The following DCLK2 variants were observed in gnomAD, a reference collection of about 807,000 sequenced individuals.
DCLK2 encodes the protein serine/threonine-protein kinase DCLK2.
Under a neutral mutation model 78.4 loss-of-function variants are expected in DCLK2, and 31 were observed. That is an observed-to-expected ratio of 0.40 (90% CI 0.30 to 0.53). The LOEUF is 0.53. Among genes scored for constraint, DCLK2 ranks in the 20% least tolerant of loss-of-function variants. The probability of loss-of-function intolerance (pLI) is 0.61; values close to 1 mark genes in which losing one functional copy is unlikely to be tolerated. For synonymous variants in DCLK2, 407 were observed against 374.9 expected, an observed-to-expected ratio of 1.09 and a Z score of -0.99; for missense variants, 872 against 973.7, an observed-to-expected ratio of 0.90 and a Z score of 1.39.
intron 2 of DCLK2, among the ~76,000 whole-genome samples, chr4:150,155,188 G>A (rs1735181338): frequency 6.6e-6 from 1 of 152,192 alleles, no homozygotes; most frequent in South Asian, 2.1e-4. Flanking sequence ...CCATGATTGT[G>A]CCATTGCACT....
At chr4:150,100,799 A>G (rs1385976712) in intron 1 of DCLK2, among the ~76,000 whole-genome samples, 3 of 152,228 alleles carry the variant, frequency 2.0e-5, no homozygotes, top group African/African-American at 7.2e-5. Flanking sequence ...AATGATTTAG[A>G]TAAGCCTACA....
chr4:150,079,479 C>G (rs1223179423), intron 1 of DCLK2, 31 bp downstream of exon 1: 1 of 1,442,356 alleles, frequency 6.9e-7, no homozygotes, highest in African/African-American at 1.5e-5. Flanking sequence ...ACGGCAGGTG[C>G]GGCGGAGCGC....
intron 2 of DCLK2, among the ~76,000 whole-genome samples, chr4:150,182,035 A>AT (rs543323129): frequency 1.6e-4 from 23 of 142,542 alleles, no homozygotes; most frequent in East Asian, 8.1e-4. Flanking sequence ...TTCCCTGTTC[A>AT]TTTTTTTTTT....
rs1054358179 is a variant in DCLK2, at chr4:150,253,596, C to T, written c.2074-2424C>T. The T allele has an allele frequency of 3.1e-6, 4 of 1,288,734 alleles. No individual in the cohort carries two copies. In the African/African-American group the frequency reaches 4.6e-5, roughly 15 times the overall value. The allele number at this position is 1,288,734 out of a possible 1,614,324, so 79.8% of individuals were successfully genotyped here. On this transcript the variant is annotated intron_variant, in intron 15 of 15. Transcript: ENST00000296550. The stretch of plus-strand genomic sequence containing the variant: ...GCGTCCGACCAGCGCGCCCCATCCT[C>T]AGCCCCTCTCACGCCTGCATGCTTG...
intron 6 of DCLK2, among the ~76,000 whole-genome samples, chr4:150,221,374 C>A (rs545763219): frequency 2.7e-5 from 4 of 149,316 alleles, no homozygotes; most frequent in African/African-American, 9.9e-5. Flanking sequence ...TCTTGAACAT[C>A]GACAAAAAAG....
chr4:150,093,614 A>G (rs1305547554), intron 1 of DCLK2, among the ~76,000 whole-genome samples: 1 of 152,180 alleles, frequency 6.6e-6, no homozygotes, highest in African/African-American at 2.4e-5. Flanking sequence ...AATCTTGGCC[A>G]CAAGCAATCC....
intron 8 of DCLK2, 95 bp downstream of exon 8, chr4:150,224,653 A>G (rs540151957): frequency 2.0e-6 from 2 of 1,000,320 alleles, no homozygotes; most frequent in Non-Finnish European, 3.0e-6. Context: ...ACTTGACACA[A>G]CTATCACAGC....
chr4:150,080,816 G>C (rs191972322), intron 1 of DCLK2, among the ~76,000 whole-genome samples: 2 of 152,312 alleles, frequency 1.3e-5, no homozygotes, highest in Admixed American at 1.3e-4. Context: ...GCCCTGCCTA[G>C]AACGCGACCC....
chr4:150,155,444 T>C (rs1048568731), intron 2 of DCLK2, among the ~76,000 whole-genome samples: 17 of 152,190 alleles, frequency 1.1e-4, no homozygotes, highest in African/African-American at 4.1e-4. Flanking sequence ...GAGGTTCGGT[T>C]TTTGTATGCA....
At chr4:150,216,245 A>G (rs935184855) in intron 5 of DCLK2, among the ~76,000 whole-genome samples, 5 of 152,256 alleles carry the variant, frequency 3.3e-5, no homozygotes, top group Non-Finnish European at 7.3e-5. Flanking sequence ...AGTGTTGCTC[A>G]TCATCAGATG....
At chr4:150,203,602 G>GTTTT (rs5862912) in intron 4 of DCLK2, among the ~76,000 whole-genome samples, 193 bp from the exon 5 acceptor site, 5 of 142,026 alleles carry the variant, frequency 3.5e-5, no homozygotes, top group African/African-American at 5.2e-5. Flanking sequence ...GTTTCACTCT[G>GTTTT]TTTTTTTTTT....
chr4:150,172,166 G>C (rs1736580279), intron 2 of DCLK2, among the ~76,000 whole-genome samples: 1 of 152,126 alleles, frequency 6.6e-6, no homozygotes, highest in Admixed American at 6.5e-5. Flanking sequence ...TGAAGACTTG[G>C]CTTAACCTAG....
At chr4:150,083,942 C>T (rs1179604746) in intron 1 of DCLK2, among the ~76,000 whole-genome samples, 1 of 152,184 alleles carries the variant, frequency 6.6e-6, no homozygotes, top group Non-Finnish European at 1.5e-5. Flanking sequence ...TCAAAAAATG[C>T]ACATTCTCCT....
chr4:150,256,314 G>T lies in DCLK2; in HGVS notation c.*67G>T. On this transcript the variant is annotated 3_prime_UTR_variant, in exon 16 of 16. Transcript: ENST00000296550. ...AGCCAGCCCTCTGCTCGGCCTCGCCGGCCTCCCTGCTGCAGGCCTCCCTCT... is the reference window on the plus strand; with the variant it reads ...AGCCAGCCCTCTGCTCGGCCTCGCCTGCCTCCCTGCTGCAGGCCTCCCTCT... 2 of 1,442,700 alleles carry T rather than the reference G, an allele frequency of 1.4e-6. No individual in the cohort carries two copies. Among genetic ancestry groups the T allele is most frequent in the Non-Finnish European group, 1.8e-6 (2 of 1,102,120 alleles). The allele number at this position is 1,442,700 out of a possible 1,614,324, so 89.4% of individuals were successfully genotyped here.
At chr4:150,221,848 T>G in intron 7 of DCLK2, 63 bp downstream of exon 7, 4 of 1,060,426 alleles carry the variant, frequency 3.8e-6, no homozygotes, top group Non-Finnish European at 5.5e-6. Flanking sequence ...AACTGTATCA[T>G]CTACAGATAC....
rs573027670 is a variant in DCLK2, at chr4:150,136,399, T to C, written c.756+33587T>C. Among the ~76,000 whole-genome samples the C allele has an allele frequency of 4.6e-5, 7 of 152,268 alleles. No homozygotes were observed. In the South Asian group the frequency reaches 1.4e-3, roughly 32 times the overall value. ...CTGTGATCTGTGATATCACCCACAGTAATTGAAGTACCTGGGATGGAGAAG... is the reference window on the plus strand; with the variant it reads ...CTGTGATCTGTGATATCACCCACAGCAATTGAAGTACCTGGGATGGAGAAG... On this transcript the variant is annotated intron_variant, in intron 2 of 15. Transcript: ENST00000296550.
At chr4:150,179,214 G>A (rs1737317391) in intron 2 of DCLK2, among the ~76,000 whole-genome samples, 1 of 152,018 alleles carries the variant, frequency 6.6e-6, no homozygotes. Flanking sequence ...ATTTTTAGTA[G>A]AGACAGGGTT....
intron 2 of DCLK2, among the ~76,000 whole-genome samples, chr4:150,158,728 G>C: frequency 6.6e-6 from 1 of 152,144 alleles, no homozygotes; most frequent in East Asian, 1.9e-4. Context: ...GATTAATTCT[G>C]CTGAAAGTAG....
chr4:150,100,144 C>T (rs1036741849), intron 1 of DCLK2, among the ~76,000 whole-genome samples: 15 of 152,186 alleles, frequency 9.9e-5, no homozygotes, highest in African/African-American at 3.6e-4. Flanking sequence ...AACTCCTGGC[C>T]TCAAGCATTC....
Sources: gnomAD v4.1 joint callset for allele counts (sites outside exome capture counted in the v4.1 genomes callset) on GRCh38, gnomAD v4.1.1 for gene constraint, MANE v1.5 for transcripts, NCBI Gene and HGNC (gene_info 2026-07-23, HGNC 2026-07-21) for gene names.